ZC3H12B: variants seen among roughly 807,000 people sequenced by gnomAD.
ZC3H12B encodes zinc finger CCCH-type containing 12B.
ZC3H12B carries 7 observed loss-of-function variants against 43.9 expected under a neutral mutation model. The observed-to-expected ratio is 0.16, with a 90% CI of 0.09 to 0.30. The LOEUF is 0.30. Among genes scored for constraint, ZC3H12B ranks in the 10% least tolerant of loss-of-function variants. The pLI is 1.00. For synonymous variants in ZC3H12B, 222 were observed against 241.7 expected, an observed-to-expected ratio of 0.92 and a Z score of 0.76; for missense variants, 475 against 670.2, an observed-to-expected ratio of 0.71 and a Z score of 3.22.
intron 3 of ZC3H12B, among the ~76,000 whole-genome samples, chrX:65,474,146 C>T (rs1046889992): frequency 1.8e-5 from 2 of 111,940 alleles, no homozygotes; most frequent in African/African-American, 3.2e-5. Flanking sequence ...TTTAGGTTCT[C>T]AGATGTTGGG....
At chrX:65,391,491 G>T (rs1270426520) in intron 2 of ZC3H12B, among the ~76,000 whole-genome samples, 1 of 111,174 alleles carries the variant, frequency 9.0e-6, no homozygotes, top group Non-Finnish European at 1.9e-5. Context: ...ATTATATTGT[G>T]ATAATTCATG....
chrX:65,427,217 T>A (rs941489377), intron 3 of ZC3H12B, among the ~76,000 whole-genome samples: 3 of 111,921 alleles, frequency 2.7e-5, no homozygotes, highest in Admixed American at 9.5e-5. Context: ...TGTAATGCCC[T>A]TCTTTGTCTT....
the ZC3H12B span, among the ~76,000 whole-genome samples, chrX:65,230,328 G>A: frequency 9.2e-6 from 1 of 108,771 alleles, no homozygotes; most frequent in Non-Finnish European, 1.9e-5. Context: ...GGTGGGAATT[G>A]AACAATGAGC....
In ZC3H12B at chrX:65,477,358, G is replaced by A. The variant is rs146819610; in HGVS notation, n.408-11288G>A. Among the ~76,000 whole-genome samples the A allele has an allele frequency of 1.6e-3, 160 of 97,607 alleles. 5 individuals are homozygous for A. The East Asian group carries it at 0.036, about 22-fold the overall frequency. 84.8% of individuals were successfully genotyped at this position (97,607 alleles called of 115,157 possible). On this transcript the variant is annotated intron_variant and non_coding_transcript_variant, in intron 3 of 5. Transcript: ENST00000617377. ...CAAACTTTACAAGGAGGTTAAACAA[G>A]CATTATACACACACACGTGCACACA...
At chrX:65,042,779 G>T in the ZC3H12B span, among the ~76,000 whole-genome samples, 3 of 111,777 alleles carry the variant, frequency 2.7e-5, no homozygotes, top group Non-Finnish European at 5.7e-5. Context: ...AGTATAAGAG[G>T]AAAAAGAAAG....
chrX:65,281,219 C>G, the ZC3H12B span, among the ~76,000 whole-genome samples: 15 of 107,138 alleles, frequency 1.4e-4, no homozygotes, highest in African/African-American at 5.2e-4. Context: ...AATCCACATA[C>G]CTATAGCCAA....
intron 2 of ZC3H12B, among the ~76,000 whole-genome samples, chrX:65,393,926 T>G (rs1320139848): frequency 8.9e-6 from 1 of 112,603 alleles, no homozygotes; most frequent in Non-Finnish European, 1.9e-5. Flanking sequence ...ATTGTGGTTT[T>G]GATTTGCATT....
At chrX:65,225,466 G>A in the ZC3H12B span, among the ~76,000 whole-genome samples, 23 of 112,467 alleles carry the variant, frequency 2.0e-4, no homozygotes, top group African/African-American at 5.5e-4. Context: ...AAAGCAGAGC[G>A]TCTCTCCTCC....
At chrX:65,076,062 A>C in the ZC3H12B span, among the ~76,000 whole-genome samples, 4 of 111,690 alleles carry the variant, frequency 3.6e-5, no homozygotes, top group African/African-American at 1.3e-4. Context: ...CTTTGGAGGA[A>C]GGAAGTTTTC....
intron 2 of ZC3H12B, among the ~76,000 whole-genome samples, chrX:65,385,641 T>A (rs981704527): frequency 4.5e-5 from 5 of 111,526 alleles, no homozygotes; most frequent in Admixed American, 9.6e-5. Flanking sequence ...CCTTTTTTTT[T>A]ATCCTGCATG....
At chrX:65,438,803 C>T (rs1428900952) in intron 3 of ZC3H12B, among the ~76,000 whole-genome samples, 3 of 113,286 alleles carry the variant, frequency 2.6e-5, no homozygotes, top group East Asian at 2.8e-4. Context: ...GTGTTCCTTG[C>T]CCTCATCCCC....
rs780795295 is a variant in ZC3H12B at position 65,418,269 on chromosome X, AT to A, written n.407+19567del. On this transcript the variant is annotated intron_variant and non_coding_transcript_variant, in intron 3 of 5. Coordinates refer to the ZC3H12B transcript ENST00000617377. ...TTTAAATAATGGAATACCCTAGCTCATTGTGTACAATTCCAATGCTCTAATG... is the reference window on the plus strand; with the variant it reads ...TTTAAATAATGGAATACCCTAGCTCATGTGTACAATTCCAATGCTCTAATG... 4.5e-5 allele frequency among the ~76,000 whole-genome samples: 5 copies of A among 111,866 alleles called. No homozygotes were observed. The East Asian group carries it at 1.1e-3, about 25-fold the overall frequency.
the ZC3H12B span, among the ~76,000 whole-genome samples, chrX:65,065,259 T>G: frequency 8.9e-6 from 1 of 111,909 alleles, no homozygotes; most frequent in African/African-American, 3.3e-5. Flanking sequence ...CAATTTGGTA[T>G]ATTTTTGCAG....
chrX:65,226,680 G>A, the ZC3H12B span, among the ~76,000 whole-genome samples: 1 of 111,316 alleles, frequency 9.0e-6, no homozygotes, highest in African/African-American at 3.3e-5. Flanking sequence ...TAAAAGGATG[G>A]AGAAAGAGCT....
the ZC3H12B span, among the ~76,000 whole-genome samples, chrX:65,149,708 G>T: frequency 9.7e-6 from 1 of 103,235 alleles, no homozygotes; most frequent in Non-Finnish European, 2.0e-5. Flanking sequence ...AGTTTGCAGT[G>T]AGCCGAGATC....
the ZC3H12B span, among the ~76,000 whole-genome samples, chrX:65,227,221 A>G: frequency 2.7e-5 from 3 of 111,782 alleles, no homozygotes; most frequent in African/African-American, 9.8e-5. Flanking sequence ...ACTCAGGATT[A>G]AGAAACTCAC....
At chrX:65,207,259 C>G in the ZC3H12B span, among the ~76,000 whole-genome samples, 1 of 107,802 alleles carries the variant, frequency 9.3e-6, no homozygotes, top group Non-Finnish European at 1.9e-5. Flanking sequence ...TATACACACA[C>G]ACACACACAC....
chrX:65,450,817 A>T (rs199811278), intron 3 of ZC3H12B, among the ~76,000 whole-genome samples: 2 of 72,276 alleles, frequency 2.8e-5, no homozygotes, highest in East Asian at 8.5e-4. Flanking sequence ...GTATATATGT[A>T]TATATATACA....
the ZC3H12B span, among the ~76,000 whole-genome samples, chrX:65,130,934 T>A: frequency 2.7e-5 from 3 of 112,016 alleles, no homozygotes; most frequent in Non-Finnish European, 5.6e-5. Flanking sequence ...GCCCTTGCAG[T>A]GAATGACTCC....
Sources: gnomAD v4.1 joint callset for allele counts (sites outside exome capture counted in the v4.1 genomes callset) on GRCh38, gnomAD v4.1.1 for gene constraint, MANE v1.5 for transcripts, NCBI Gene and HGNC (gene_info 2026-07-23, HGNC 2026-07-21) for gene names.